Variants in ZNF487 observed in about 807,000 individuals in gnomAD.
The protein encoded by ZNF487 is KRAB domain only 1.
In ZNF487, 4 loss-of-function variants were observed where a neutral mutation model predicts 3.0. The ratio of observed to expected loss-of-function variants is 1.35; its 90% CI spans 0.66 to 3.08. The LOEUF (loss-of-function observed/expected upper bound fraction) is 3.08. ZNF487 is among the 30% of genes most tolerant of loss of function. The pLI, the probability that ZNF487 is intolerant of heterozygous loss-of-function variation, is 0.01. For missense variants in ZNF487, 146 were observed against 98.7 expected (o/e 1.48, Z -2.03); for synonymous variants, 55 against 34.6 (o/e 1.59, Z -2.06).
chr10:43,474,949 T>C (rs912631239), intron 1 of ZNF487, among the ~76,000 whole-genome samples: 1 of 151,988 alleles, frequency 6.6e-6, no homozygotes, highest in Non-Finnish European at 1.5e-5. Flanking sequence ...ACCTCACAGA[T>C]TGAATACCAG....
upstream of ZNF487, chr10:43,436,871 G>A (rs771845998): frequency 5.1e-5 from 24 of 468,838 alleles, no homozygotes; most frequent in African/African-American, 4.8e-4. Flanking sequence ...CCCAGCCGCG[G>A]TCCCAGCGAC....
the ZNF487 span, among the ~76,000 whole-genome samples, chr10:43,499,527 C>T: frequency 6.6e-6 from 1 of 151,948 alleles, no homozygotes; most frequent in African/African-American, 2.4e-5. Context: ...AGCGATCTGC[C>T]CACCTCAGCC....
chr10:43,479,971 T>TTTCTTTTCTTTCTTTC lies in ZNF487; in HGVS notation c.131-1456_131-1455insCTTTTCTTTCTTTCTT, dbSNP rs1184173278. On this transcript the variant is annotated intron_variant, in intron 3 of 3. Transcript: ENST00000437590. ...GCACCTGACTCTCTTTCTTTCTTTC[T>TTTCTTTTCTTTCTTTC]TTTCTTTCTTTCCTTCTTTCTTTCT... Among the ~76,000 whole-genome samples, 24 of 125,222 alleles carry TTTCTTTTCTTTCTTTC rather than the reference T, an allele frequency of 1.9e-4. No homozygotes were observed. The South Asian group carries it at 2.4e-3, about 12-fold the overall frequency. 82.2% of individuals were successfully genotyped at this position (125,222 alleles called of 152,430 possible).
At chr10:43,447,077 C>T (rs904674436) in intron 1 of ZNF487, among the ~76,000 whole-genome samples, 21 of 151,712 alleles carry the variant, frequency 1.4e-4, no homozygotes, top group Non-Finnish European at 2.1e-4. Flanking sequence ...CAATCCCAGG[C>T]ACTCGGCAGG....
intron 1 of ZNF487, among the ~76,000 whole-genome samples, chr10:43,442,205 T>C (rs1839636064): frequency 6.6e-6 from 1 of 151,340 alleles, no homozygotes; most frequent in Non-Finnish European, 1.5e-5. Flanking sequence ...CACTGTACCC[T>C]AGCCTGGTCT....
At chr10:43,483,681 C>T (rs1841444076), downstream of ZNF487, among the ~76,000 whole-genome samples, 1 of 152,118 alleles carries the variant, frequency 6.6e-6, no homozygotes, top group South Asian at 2.1e-4. Flanking sequence ...GCATGTGTCA[C>T]CATGCTCAGC....
At chr10:43,502,553 C>G in the ZNF487 span, among the ~76,000 whole-genome samples, 2 of 152,060 alleles carry the variant, frequency 1.3e-5, no homozygotes, top group Non-Finnish European at 2.9e-5. Flanking sequence ...ACCTAAATAA[C>G]TCATTATTCA....
chr10:43,511,202 T>C, the ZNF487 span, among the ~76,000 whole-genome samples: 1 of 152,198 alleles, frequency 6.6e-6, no homozygotes, highest in Non-Finnish European at 1.5e-5. Flanking sequence ...TGTCACCTAG[T>C]TGGTGTTATA....
chr10:43,517,591 C>A, the ZNF487 span, among the ~76,000 whole-genome samples: 2 of 152,190 alleles, frequency 1.3e-5, no homozygotes, highest in Non-Finnish European at 2.9e-5. Context: ...ATCATTAGAG[C>A]AGCAACTGTT....
At chr10:43,450,806 T>TA (rs1368971709) in intron 1 of ZNF487, among the ~76,000 whole-genome samples, 2 of 152,144 alleles carry the variant, frequency 1.3e-5, no homozygotes, top group African/African-American at 4.8e-5. Flanking sequence ...TAGATACCAA[T>TA]GACTTAGAAG....
the ZNF487 span, among the ~76,000 whole-genome samples, chr10:43,519,570 C>T: frequency 5.3e-5 from 8 of 151,814 alleles, no homozygotes; most frequent in African/African-American, 1.7e-4. Flanking sequence ...CAGGTTCAGG[C>T]ATTTCTTCTG....
At chr10:43,503,582 A>G in the ZNF487 span, among the ~76,000 whole-genome samples, 1 of 152,206 alleles carries the variant, frequency 6.6e-6, no homozygotes, top group Admixed American at 6.6e-5. Flanking sequence ...TAAGTGCCCT[A>G]TACAGGTGTG....
At chr10:43,436,867 C>T (rs552875157), upstream of ZNF487, 72 of 468,732 alleles carry the variant, frequency 1.5e-4, no homozygotes, top group Non-Finnish European at 2.7e-4. Context: ...GACGCCCAGC[C>T]GCGGTCCCAG....
At chr10:43,495,922 G>T in the ZNF487 span, 1 of 447,254 alleles carries the variant, frequency 2.2e-6, no homozygotes, top group African/African-American at 2.0e-5. Flanking sequence ...TTTTCTTTGA[G>T]TATCAATAGT....
chr10:43,470,678 C>G (rs1386560000), intron 1 of ZNF487, among the ~76,000 whole-genome samples: 2 of 151,994 alleles, frequency 1.3e-5, no homozygotes, highest in South Asian at 2.1e-4. Flanking sequence ...AGCCAGCACA[C>G]CCGGGCAATT....
the ZNF487 span, among the ~76,000 whole-genome samples, chr10:43,492,996 C>T: frequency 4.0e-5 from 6 of 151,814 alleles, no homozygotes; most frequent in African/African-American, 1.2e-4. Context: ...TTTTGGAGGC[C>T]GAGGCAGGTG....
chr10:43,463,206 C>G (rs1840496839), intron 1 of ZNF487, among the ~76,000 whole-genome samples: 1 of 145,712 alleles, frequency 6.9e-6, no homozygotes, highest in African/African-American at 2.6e-5. Context: ...TGCAATCCAG[C>G]CTGGGCAACA....
intron 1 of ZNF487, among the ~76,000 whole-genome samples, chr10:43,447,600 G>C (rs1451116967): frequency 6.6e-6 from 1 of 152,190 alleles, no homozygotes; most frequent in African/African-American, 2.4e-5. Flanking sequence ...CATGCCCTGT[G>C]TGAGCACTGG....
the ZNF487 span, among the ~76,000 whole-genome samples, chr10:43,522,792 A>G: frequency 6.6e-6 from 1 of 151,638 alleles, no homozygotes; most frequent in Non-Finnish European, 1.5e-5. Flanking sequence ...CATTGGAAAC[A>G]TATGTATTAG....
Sources: allele counts gnomAD v4.1 joint callset (sites outside exome capture counted in the v4.1 genomes callset), GRCh38; gene constraint gnomAD v4.1.1; transcripts MANE v1.5; gene names NCBI Gene and HGNC (gene_info 2026-07-23, HGNC 2026-07-21).